CASZ1: variants seen among roughly 807,000 people sequenced by gnomAD.
CASZ1 encodes castor zinc finger 1.
In CASZ1, 28 loss-of-function variants were observed where a neutral mutation model predicts 135.2. The ratio of observed to expected loss-of-function variants is 0.21; its 90% CI spans 0.15 to 0.28. The LOEUF is 0.28. Among genes scored for constraint, CASZ1 ranks in the 10% least tolerant of loss-of-function variants. The pLI is 1.00. For synonymous variants in CASZ1, 1,068 were observed against 1,073.4 expected (o/e 0.99, Z 0.10); for missense variants, 2,161 against 2,453.3 (o/e 0.88, Z 2.52).
intron 1 of CASZ1, among the ~76,000 whole-genome samples, chr1:10,773,339 G>A (rs1440686561): frequency 6.6e-6 from 1 of 151,694 alleles, no homozygotes; most frequent in Non-Finnish European, 1.5e-5. Context: ...CAGGTGTGCC[G>A]GCTACGGGCA....
In CASZ1 at chr1:10,660,315, T is replaced by C. The variant is rs765251135; in HGVS notation, c.727A>G (p.Ile243Val). 138 of 1,614,112 alleles carry C rather than the reference T, an allele frequency of 8.5e-5. No homozygotes were observed. In the South Asian group the frequency reaches 1.1e-3, roughly 13 times the overall value. Residue 243 changes from isoleucine (I) to valine (V), a missense_variant, in exon 6 of 21, where the codon ATC becomes GTC. This residue lies in a region of CASZ1 where 590 missense variants were observed against 609.8 expected (regional missense o/e 0.97). Transcript: ENST00000377022. ...RARFSKYEEY[I>V]RKLKAGEQLS... is the part of the protein sequence containing the mutation. ...TGCTCGCCAGCCTTGAGCTTGCGGA[T>C]GTACTCCTCATACTTAGAGAACCGC...
At chr1:10,775,144 T>C (rs1051146783) in intron 1 of CASZ1, among the ~76,000 whole-genome samples, 4 of 152,164 alleles carry the variant, frequency 2.6e-5, no homozygotes, top group Admixed American at 2.6e-4. Context: ...GAACACTTGT[T>C]CGGTTCCCTA....
intron 1 of CASZ1, among the ~76,000 whole-genome samples, chr1:10,781,252 C>T (rs994990410): frequency 6.6e-6 from 1 of 152,200 alleles, no homozygotes; most frequent in African/African-American, 2.4e-5. Context: ...AGCACACAGG[C>T]CTTGTGCAAT....
chr1:10,658,975 C>T (rs1040120742), intron 6 of CASZ1, among the ~76,000 whole-genome samples: 1 of 152,134 alleles, frequency 6.6e-6, no homozygotes, highest in Non-Finnish European at 1.5e-5. Flanking sequence ...GCAGCAGGGG[C>T]CGCCCTGATC....
rs1639452809 is a variant in CASZ1, at chr1:10,719,263, G to A, written c.-76-13719C>T. Among the ~76,000 whole-genome samples, 1 of 152,236 alleles carries A rather than the reference G, an allele frequency of 6.6e-6. No individual in the cohort carries two copies. The highest frequency in any genetic ancestry group is 2.1e-4 in the South Asian group (1 of 4,836). ...GGGAGAGCCTGAGGTTCGGAGAAGG[G>A]AGGTCTGCCAGCAAGGCACAGCTCC... On this transcript the variant is annotated intron_variant, in intron 2 of 20. Coordinates refer to ENST00000377022, the MANE Select transcript of CASZ1 (RefSeq NM_001079843.3). This position sits in a 1 kb window ranked among gnomAD's most constrained non-coding sequence, Gnocchi z 4.0.
In CASZ1 at chr1:10,717,198, T is replaced by G. The variant is rs532788988; in HGVS notation, c.-76-11654A>C. ...GTATTTTTACCTAATGACAGAAAAA[T>G]CTACGAACGCCTGCCTATCAGCACT... On this transcript the variant is annotated intron_variant, in intron 2 of 20. Coordinates refer to ENST00000377022, the MANE Select transcript of CASZ1 (RefSeq NM_001079843.3). The surrounding 1 kb of genome is among the most constrained non-coding windows in gnomAD (Gnocchi z 4.6). 6.6e-6 allele frequency among the ~76,000 whole-genome samples: 1 copy of G among 152,170 alleles called. No individual in the cohort carries two copies. The highest frequency in any genetic ancestry group is 2.4e-5 in the African/African-American group (1 of 41,496).
intron 2 of CASZ1, among the ~76,000 whole-genome samples, chr1:10,748,924 C>T (rs1640097629): frequency 6.6e-6 from 1 of 152,236 alleles, no homozygotes; most frequent in South Asian, 2.1e-4. Flanking sequence ...CCACGTCAGT[C>T]TGGTGAGGCC....
chr1:10,659,990 T>G lies in CASZ1; in HGVS notation c.1052A>C (p.Lys351Thr). 3.1e-6 allele frequency: 5 copies of G among 1,613,904 alleles called. No individual in the cohort carries two copies. The highest frequency in any genetic ancestry group is 4.2e-6 in the Non-Finnish European group (5 of 1,179,996). ...CATGTCGGGGCTGCCCTCCCCGGGT[T>G]TGAAGAGGTGCAGGTACTTGACATT... ...LENVKYLHLF[K>T]PGEGSPDMGG... Residue 351 changes from lysine (K) to threonine (T), a missense_variant, in exon 6 of 21, where the codon AAA becomes ACA. Transcript: ENST00000377022.
intron 1 of CASZ1, among the ~76,000 whole-genome samples, chr1:10,768,435 C>T (rs1640517753): frequency 6.6e-6 from 1 of 152,216 alleles, no homozygotes; most frequent in Admixed American, 6.5e-5. Flanking sequence ...CCAGGCTGGT[C>T]TCAAACTCCT....
At chr1:10,702,738 G>C (rs1283033417) in intron 3 of CASZ1, among the ~76,000 whole-genome samples, 1 of 152,188 alleles carries the variant, frequency 6.6e-6, no homozygotes, top group Non-Finnish European at 1.5e-5. Context: ...CGGGGGAAGT[G>C]GCCACGGTGG....
intron 2 of CASZ1, among the ~76,000 whole-genome samples, chr1:10,754,698 C>G (rs1175441594): frequency 1.3e-5 from 2 of 152,222 alleles, no homozygotes; most frequent in Non-Finnish European, 2.9e-5. Context: ...GACCGATCCT[C>G]TCTCTGCCTG....
rs546130402 is a variant in CASZ1 at position 10,696,320 on chromosome 1, A to T, written c.-23-2408T>A. ...CTGTGATTCCCCAACCCATCCCTAC[A>T]TAGGAACAGCAGCTGGAGAGGCCTA... is the stretch of plus-strand genomic sequence containing the variant. On this transcript the variant is annotated intron_variant, in intron 3 of 20. Transcript: ENST00000377022. Among the ~76,000 whole-genome samples the T allele has an allele frequency of 1.7e-3, 264 of 152,188 alleles. 3 individuals carry two copies. Among genetic ancestry groups the T allele is most frequent in the Non-Finnish European group, 2.1e-3 (144 of 67,976 alleles).
rs942084954 is a variant in CASZ1 at position 10,646,906 on chromosome 1, C to T, written c.3498-580G>A. Among the ~76,000 whole-genome samples, 7 of 152,172 alleles carry T rather than the reference C, an allele frequency of 4.6e-5. No individual in the cohort carries two copies. The highest frequency in any genetic ancestry group is 5.9e-5 in the Non-Finnish European group (4 of 68,022). ...CACCCACTCAGACCTCACTTGCCGG[C>T]GGAGTGGGAGAGCTGCTGGGGCAGA... On this transcript the variant is annotated intron_variant, in intron 16 of 20. Transcript: ENST00000377022. The surrounding 1 kb of genome is among the most constrained non-coding windows in gnomAD (Gnocchi z 6.4).
intron 2 of CASZ1, among the ~76,000 whole-genome samples, chr1:10,705,991 G>A (rs1489919123): frequency 6.6e-6 from 1 of 152,220 alleles, no homozygotes; most frequent in East Asian, 1.9e-4. Flanking sequence ...CTTCCCCGGG[G>A]CCCCTGAACA....
intron 20 of CASZ1, chr1:10,642,404 G>T: frequency 6.4e-6 from 1 of 157,402 alleles, no homozygotes; most frequent in Admixed American, 6.5e-5. Context: ...GAACCAAAAT[G>T]AGAAACCCGA....
chr1:10,726,936 C>T lies in CASZ1; in HGVS notation c.-76-21392G>A, dbSNP rs61776340. On this transcript the variant is annotated intron_variant, in intron 2 of 20. Transcript: ENST00000377022. This position sits in a 1 kb window ranked among gnomAD's most constrained non-coding sequence, Gnocchi z 5.7. ...CCACTGAGGTGTCAGGTAAATAGCA[C>T]CATGTGGGGCTTCCTGGCCAGTTTC... 4.9e-3 allele frequency among the ~76,000 whole-genome samples: 742 copies of T among 152,268 alleles called. 11 individuals are homozygous for T. Among genetic ancestry groups the T allele is most frequent in the African/African-American group, 0.017 (693 of 41,546 alleles).
intron 2 of CASZ1, among the ~76,000 whole-genome samples, chr1:10,732,601 G>A (rs1024173658): frequency 5.9e-5 from 9 of 152,208 alleles, no homozygotes; most frequent in Non-Finnish European, 8.8e-5. Context: ...CACATCCTAG[G>A]TGAGAGATTC....
intron 7 of CASZ1, 85 bp from the exon 8 acceptor site, chr1:10,656,821 T>C: frequency 2.3e-6 from 2 of 869,574 alleles, no homozygotes; most frequent in Non-Finnish European, 3.7e-6. Flanking sequence ...GGGAGGACTC[T>C]TCGGGCCCTG....
rs1054256758 is a variant in CASZ1 at position 10,697,555 on chromosome 1, C to T, written c.-23-3643G>A. Among the ~76,000 whole-genome samples, 4 of 152,136 alleles carry T rather than the reference C, an allele frequency of 2.6e-5. No homozygotes were observed. Among genetic ancestry groups the T allele is most frequent in the Admixed American group, 6.5e-5 (1 of 15,280 alleles). Reference sequence around the variant, plus strand: ...CATCAGCACCAAGGAAAGCCATCTGCCCTTCCTGTCACACTGCTATCGCTG... The same window carrying T: ...CATCAGCACCAAGGAAAGCCATCTGTCCTTCCTGTCACACTGCTATCGCTG... On this transcript the variant is annotated intron_variant, in intron 3 of 20. Coordinates refer to ENST00000377022, the MANE Select transcript of CASZ1 (RefSeq NM_001079843.3). The surrounding 1 kb of genome is among the most constrained non-coding windows in gnomAD (Gnocchi z 4.7).
Sources: gnomAD v4.1 joint callset for allele counts (sites outside exome capture counted in the v4.1 genomes callset) on GRCh38, gnomAD v4.1.1 for gene constraint, gnomAD v4.1.1 regional missense constraint, Gnocchi (gnomAD v3.1) non-coding constraint, MANE v1.5 for transcripts, NCBI Gene and HGNC (gene_info 2026-07-23, HGNC 2026-07-21) for gene names.